Variants in DMD observed in about 807,000 individuals in gnomAD.
The protein encoded by DMD is dystrophin.
Under a neutral mutation model 330.1 loss-of-function variants are expected in DMD, and 63 were observed. That is an observed-to-expected ratio of 0.19 (90% CI 0.16 to 0.24). The LOEUF (loss-of-function observed/expected upper bound fraction) is 0.24, where lower values mean the gene tolerates loss of function less well. Among genes scored for constraint, DMD ranks in the 10% least tolerant of loss-of-function variants. The probability of loss-of-function intolerance (pLI) is 1.00; values close to 1 mark genes in which losing one functional copy is unlikely to be tolerated. For synonymous variants in DMD, 1,223 were observed against 959.8 expected, an observed-to-expected ratio of 1.27 and a Z score of -5.07; for missense variants, 3,344 against 2,684.1, an observed-to-expected ratio of 1.25 and a Z score of -5.43.
intron 48 of DMD, among the ~76,000 whole-genome samples, chrX:31,846,633 T>G (rs1213201633): frequency 8.9e-6 from 1 of 112,098 alleles, no homozygotes; most frequent in Non-Finnish European, 1.9e-5. Flanking sequence ...TGCTTACAAG[T>G]ACAATCCAGT....
At chrX:31,191,846 T>C (rs888529474) in intron 67 of DMD, among the ~76,000 whole-genome samples, 3 of 112,648 alleles carry the variant, frequency 2.7e-5, no homozygotes, top group Non-Finnish European at 5.6e-5. Flanking sequence ...TTCAATGTCA[T>C]TGCCATTGTT....
At chrX:31,844,095 G>A (rs926609002) in intron 48 of DMD, among the ~76,000 whole-genome samples, 4 of 111,708 alleles carry the variant, frequency 3.6e-5, no homozygotes, top group African/African-American at 1.3e-4. Context: ...TCCTGACCTC[G>A]TGATCCACCT....
intron 60 of DMD, among the ~76,000 whole-genome samples, chrX:31,416,773 T>G (rs2061893043): frequency 8.9e-6 from 1 of 112,052 alleles, no homozygotes; most frequent in Non-Finnish European, 1.9e-5. Flanking sequence ...AAAAAGAACC[T>G]AATAGTTGCA....
At chrX:32,738,481 A>G (rs1322429971) in intron 7 of DMD, among the ~76,000 whole-genome samples, 1 of 111,770 alleles carries the variant, frequency 8.9e-6, no homozygotes, top group East Asian at 2.8e-4. Flanking sequence ...AGCCCTTAAT[A>G]AAGCAATTGT....
intron 7 of DMD, among the ~76,000 whole-genome samples, chrX:32,747,984 C>A (rs749570199): frequency 6.3e-5 from 7 of 111,634 alleles, no homozygotes; most frequent in Non-Finnish European, 1.1e-4. Context: ...AGAAGCTACT[C>A]TTTATTTGGT....
At chrX:32,036,621 C>A (rs2095948928) in intron 44 of DMD, among the ~76,000 whole-genome samples, 1 of 111,042 alleles carries the variant, frequency 9.0e-6, no homozygotes, top group African/African-American at 3.3e-5. Flanking sequence ...AAATAGAGAT[C>A]TATTAGACAT....
chrX:32,152,256 A>AT (rs2096807433), intron 44 of DMD, among the ~76,000 whole-genome samples: 1 of 111,718 alleles, frequency 9.0e-6, no homozygotes, highest in Middle Eastern at 4.6e-3. Context: ...TCGGAAATTG[A>AT]TTTTTTAAAG....
chrX:32,196,027 G>A (rs1223332274), intron 44 of DMD, among the ~76,000 whole-genome samples: 1 of 112,005 alleles, frequency 8.9e-6, no homozygotes, highest in Non-Finnish European at 1.9e-5. Flanking sequence ...GGTTTATTCT[G>A]AGTATTTCCC....
rs182832374 is a variant in DMD at position 32,404,366 on chromosome X, C to T, written c.4233+7386G>A. ...GTGAGCAAACCACGGCAGTATTTTT[C>T]AATATTTAATTATGAGGCACTCTTC... On this transcript the variant is annotated intron_variant, in intron 30 of 78. Transcript: ENST00000357033. 1.4e-3 allele frequency among the ~76,000 whole-genome samples: 156 copies of T among 111,382 alleles called. 1 individual carries two copies. Among genetic ancestry groups the T allele is most frequent in the African/African-American group, 4.8e-3 (147 of 30,760 alleles).
At chrX:32,368,630 T>G (rs1314674139) in intron 34 of DMD, among the ~76,000 whole-genome samples, 1 of 111,795 alleles carries the variant, frequency 8.9e-6, no homozygotes, top group Admixed American at 9.5e-5. Context: ...CCTAGAGCTA[T>G]TGCCTTGGCC....
intron 23 of DMD, among the ~76,000 whole-genome samples, chrX:32,467,786 C>T (rs59982785): frequency 0.029 from 3,119 of 108,740 alleles, 132 homozygotes; most frequent in African/African-American, 0.098. Context: ...TTAATTTTAG[C>T]CCACAGAGAT....
At chrX:32,204,027 A>G (rs976327048) in intron 44 of DMD, among the ~76,000 whole-genome samples, 6 of 111,860 alleles carry the variant, frequency 5.4e-5, no homozygotes, top group African/African-American at 1.6e-4. Flanking sequence ...TTTATGAATA[A>G]AAGAAGTTTC....
At chrX:31,479,266 G>A (rs1197040812) in intron 57 of DMD, among the ~76,000 whole-genome samples, 163 bp from the exon 58 acceptor site, 2 of 111,511 alleles carry the variant, frequency 1.8e-5, no homozygotes, top group Non-Finnish European at 1.9e-5. Context: ...GGCTATATGG[G>A]TCTATCTGTT....
chrX:32,391,112 C>T (rs1422812488), intron 30 of DMD, among the ~76,000 whole-genome samples: 6 of 111,517 alleles, frequency 5.4e-5, no homozygotes, highest in Middle Eastern at 4.7e-3. Context: ...CATGTGGACA[C>T]GAACACAATA....
At chrX:31,273,030 T>C (rs2051786963) in intron 62 of DMD, among the ~76,000 whole-genome samples, 1 of 112,206 alleles carries the variant, frequency 8.9e-6, no homozygotes, top group South Asian at 3.7e-4. Flanking sequence ...AATTAAATTT[T>C]AGTTTAAACA....
At chrX:33,227,135 TA>T (rs1205527862) in intron 1 of DMD, among the ~76,000 whole-genome samples, 8 of 111,001 alleles carry the variant, frequency 7.2e-5, no homozygotes, top group African/African-American at 2.6e-4. Flanking sequence ...GTGTTATTGT[TA>T]ATACTCAAAA....
At chrX:32,949,342 G>GTAGGTAGGTAGATAGA (rs1225499899) in intron 2 of DMD, among the ~76,000 whole-genome samples, 6 of 91,528 alleles carry the variant, frequency 6.6e-5, no homozygotes, top group Non-Finnish European at 1.3e-4. Context: ...AGGTAGGTAG[G>GTAGGTAGGTAGATAGA]TAGATAGATA....
At chrX:32,929,253 G>A (rs1186059757) in intron 2 of DMD, among the ~76,000 whole-genome samples, 1 of 111,268 alleles carries the variant, frequency 9.0e-6, no homozygotes, top group Non-Finnish European at 1.9e-5. Flanking sequence ...TTCAATTAGA[G>A]CTCCACCAAA....
intron 48 of DMD, among the ~76,000 whole-genome samples, chrX:31,843,778 C>G (rs972173752): frequency 1.0e-4 from 11 of 108,568 alleles, no homozygotes; most frequent in Admixed American, 9.7e-4. Context: ...GTCATGAATT[C>G]TTTCTGAAGG....
Sources: gnomAD v4.1 joint callset for allele counts (sites outside exome capture counted in the v4.1 genomes callset) on GRCh38, gnomAD v4.1.1 for gene constraint, MANE v1.5 for transcripts, NCBI Gene and HGNC (gene_info 2026-07-23, HGNC 2026-07-21) for gene names.